The following DLC1 variants were observed in gnomAD, a reference collection of about 807,000 sequenced individuals.
DLC1 encodes rho GTPase-activating protein 7.
In DLC1, 54 loss-of-function variants were observed where a neutral mutation model predicts 140.3. That is an observed-to-expected ratio of 0.38 (90% CI 0.31 to 0.48). The LOEUF is 0.48. Among genes scored for constraint, DLC1 ranks in the 20% least tolerant of loss-of-function variants. The pLI is 0.96. For missense variants in DLC1, 2,536 were observed against 1,907.0 expected (o/e 1.33, Z -6.14); for synonymous variants, 986 against 728.1 (o/e 1.35, Z -5.70).
intron 2 of DLC1, among the ~76,000 whole-genome samples, chr8:13,431,293 C>T (rs56260217): frequency 6.6e-6 from 1 of 151,822 alleles, no homozygotes; most frequent in South Asian, 2.1e-4. Flanking sequence ...ACCATCTTGG[C>T]TAACACGGTG....
intron 1 of DLC1, among the ~76,000 whole-genome samples, chr8:13,586,589 G>GCACACACACACACACA (rs3066494): frequency 2.1e-5 from 3 of 142,950 alleles, no homozygotes; most frequent in Admixed American, 7.3e-5. Context: ...AGATGCACAT[G>GCACACACACACACACA]CACACACACA....
At chr8:13,371,107 C>T (rs1224036788) in intron 4 of DLC1, among the ~76,000 whole-genome samples, 2 of 152,260 alleles carry the variant, frequency 1.3e-5, no homozygotes, top group Non-Finnish European at 1.5e-5. Context: ...CATCATTTTC[C>T]TAGTTGCTCA....
At chr8:13,173,302 G>GTCTAATTA (rs1187073464) in intron 5 of DLC1, among the ~76,000 whole-genome samples, 1 of 149,858 alleles carries the variant, frequency 6.7e-6, no homozygotes, top group Non-Finnish European at 1.5e-5. Flanking sequence ...TTCGAGAGCA[G>GTCTAATTA]TCTAATTATT....
chr8:13,330,242 G>T (rs1004759202), intron 4 of DLC1, among the ~76,000 whole-genome samples: 1 of 152,058 alleles, frequency 6.6e-6, no homozygotes, highest in Non-Finnish European at 1.5e-5. Flanking sequence ...ATAAACCACC[G>T]CACCCAGCCT....
chr8:13,136,230 G>A (rs1822551326), intron 5 of DLC1, among the ~76,000 whole-genome samples: 3 of 152,166 alleles, frequency 2.0e-5, no homozygotes, highest in Admixed American at 6.5e-5. Flanking sequence ...GGGTACATGT[G>A]CAGATACATT....
At chr8:13,414,417 T>C (rs1837951721) in intron 2 of DLC1, among the ~76,000 whole-genome samples, 1 of 152,228 alleles carries the variant, frequency 6.6e-6, no homozygotes, top group Non-Finnish European at 1.5e-5. Flanking sequence ...TTTGTGACCA[T>C]CACTCTCAAT....
intron 1 of DLC1, among the ~76,000 whole-genome samples, chr8:13,552,315 A>G (rs996112673): frequency 1.4e-4 from 21 of 150,036 alleles, no homozygotes; most frequent in African/African-American, 5.1e-4. Flanking sequence ...AAGGAAGCAT[A>G]TTAGCATGTT....
intron 1 of DLC1, among the ~76,000 whole-genome samples, chr8:13,528,820 A>T (rs1455815965): frequency 6.6e-6 from 1 of 152,190 alleles, no homozygotes; most frequent in African/African-American, 2.4e-5. Flanking sequence ...CAGTTTGAGC[A>T]ACAGACCCAC....
At chr8:13,093,971 G>A (rs900203576) in intron 12 of DLC1, among the ~76,000 whole-genome samples, 1 of 152,200 alleles carries the variant, frequency 6.6e-6, no homozygotes, top group Non-Finnish European at 1.5e-5. Context: ...GTTCTCCCAA[G>A]TATTTCTGGC....
At chr8:13,266,405 T>G (rs1830689890) in intron 5 of DLC1, among the ~76,000 whole-genome samples, 1 of 152,182 alleles carries the variant, frequency 6.6e-6, no homozygotes, top group South Asian at 2.1e-4. Context: ...TTTCTCCCTT[T>G]GTCTCAGGAG....
chr8:13,494,671 C>G lies in DLC1; in HGVS notation c.1023+4378G>C, dbSNP rs1166838822. Among the ~76,000 whole-genome samples, 3 of 152,086 alleles carry G rather than the reference C, an allele frequency of 2.0e-5. No individual in the cohort carries two copies. In the South Asian group the frequency reaches 6.2e-4, roughly 32 times the overall value. Reference sequence around the variant, plus strand: ...AGCCTAATTAATACTGAGATATAGGCCGGGCACAGTGGCTCACACCTGTAA... The same window carrying G: ...AGCCTAATTAATACTGAGATATAGGGCGGGCACAGTGGCTCACACCTGTAA... On this transcript the variant is annotated intron_variant, in intron 2 of 17. Transcript: ENST00000276297.
chr8:13,198,438 G>C (rs1827191659), intron 5 of DLC1, among the ~76,000 whole-genome samples: 2 of 152,100 alleles, frequency 1.3e-5, no homozygotes, highest in South Asian at 2.1e-4. Context: ...AGTCATTTCA[G>C]GACAGTTTTC....
chr8:13,499,309 T>C lies in DLC1; in HGVS notation c.763A>G (p.Asn255Asp), dbSNP rs11203494. 0.97 allele frequency: 1,561,068 copies of C among 1,613,920 alleles called. 755,187 individuals carry two copies. The highest frequency in any genetic ancestry group is 1 in the East Asian group (44,722 of 44,858). The change falls in exon 2 of 18, where the codon AAT (asparagine) becomes GAT (aspartate). Residue 255 changes from asparagine to aspartate, a missense_variant. By Grantham distance (23) the Asn-to-Asp change is conservative. Coordinates refer to ENST00000276297, the MANE Select transcript of DLC1 (RefSeq NM_182643.3). The part of the protein sequence containing the change: ...NERSTCNVVQ[N>D]EFLDTPCTNR... ...GTGCAAGGAGTATCCAAGAACTCAT[T>C]TTGTACTACATTGCAGGTGCTTCTT... is the stretch of plus-strand genomic sequence containing the variant.
intron 1 of DLC1, among the ~76,000 whole-genome samples, chr8:13,602,798 C>T (rs980138145): frequency 5.9e-5 from 9 of 151,662 alleles, no homozygotes; most frequent in Admixed American, 5.3e-4. Context: ...TTTGTATTTT[C>T]CAATACTGTG....
chr8:13,119,474 C>G (rs1330774119), intron 5 of DLC1, among the ~76,000 whole-genome samples: 1 of 152,176 alleles, frequency 6.6e-6, no homozygotes, highest in African/African-American at 2.4e-5. Context: ...TCCCATTTAC[C>G]TCTCAACAGT....
chr8:13,416,797 T>G (rs1276670853), intron 2 of DLC1, among the ~76,000 whole-genome samples: 2 of 152,162 alleles, frequency 1.3e-5, no homozygotes, highest in Admixed American at 1.3e-4. Context: ...GGTTTGACAT[T>G]TTTTGGCTGG....
At chr8:13,224,124 G>T (rs1435790432) in intron 5 of DLC1, among the ~76,000 whole-genome samples, 1 of 152,106 alleles carries the variant, frequency 6.6e-6, no homozygotes, top group Admixed American at 6.6e-5. Context: ...ATCGTTCTTT[G>T]TTAAGCAATT....
chr8:13,175,012 G>A (rs548864518), intron 5 of DLC1, among the ~76,000 whole-genome samples: 2 of 134,556 alleles, frequency 1.5e-5, no homozygotes, highest in East Asian at 6.3e-4. Flanking sequence ...TTACATTTAA[G>A]CCTTTAATCC....
intron 4 of DLC1, among the ~76,000 whole-genome samples, chr8:13,336,872 C>A (rs953034338): frequency 6.9e-6 from 1 of 144,362 alleles, no homozygotes; most frequent in Non-Finnish European, 1.5e-5. Context: ...AAAATTAACA[C>A]ATTAAGACTG....
Sources: allele counts gnomAD v4.1 joint callset (sites outside exome capture counted in the v4.1 genomes callset), GRCh38; gene constraint gnomAD v4.1.1; transcripts MANE v1.5; gene names NCBI Gene and HGNC (gene_info 2026-07-23, HGNC 2026-07-21).